DTNB: variants seen among roughly 807,000 people sequenced by gnomAD.
DTNB encodes the protein dystrobrevin beta.
DTNB carries 63 observed loss-of-function variants against 90.7 expected under a neutral mutation model. The ratio of observed to expected loss-of-function variants is 0.69; its 90% confidence interval spans 0.57 to 0.86. The LOEUF (loss-of-function observed/expected upper bound fraction) is 0.86, where lower values mean the gene tolerates loss of function less well. Among genes scored for constraint, DTNB ranks in the 40% least tolerant of loss-of-function variants. DTNB has a pLI of 0.00. For synonymous variants in DTNB, 277 were observed against 286.7 expected (o/e 0.97, Z 0.34); for missense variants, 744 against 807.1 (o/e 0.92, Z 0.95).
At chr2:25,584,191 C>T (rs2062001318) in intron 6 of DTNB, among the ~76,000 whole-genome samples, 1 of 152,150 alleles carries the variant, frequency 6.6e-6, no homozygotes, top group Non-Finnish European at 1.5e-5. Flanking sequence ...TGGTCTTTTT[C>T]AATCTAATTC....
intron 9 of DTNB, among the ~76,000 whole-genome samples, chr2:25,488,013 T>C (rs752477491): frequency 3.3e-5 from 5 of 152,182 alleles, no homozygotes; most frequent in Admixed American, 2.6e-4. Context: ...AAAGCGTGCA[T>C]GGGAATCCTC....
chr2:25,672,449 GA>G (rs1225952195), intron 1 of DTNB, among the ~76,000 whole-genome samples: 3 of 152,070 alleles, frequency 2.0e-5, no homozygotes, highest in Admixed American at 6.6e-5. Context: ...GGGAAGGAAG[GA>G]AACTTCCTTT....
chr2:25,413,075 GATT>G (rs1315338666), intron 16 of DTNB, among the ~76,000 whole-genome samples: 4 of 152,044 alleles, frequency 2.6e-5, no homozygotes, highest in East Asian at 1.9e-4. Flanking sequence ...GCATTTTATA[GATT>G]ATTATCTTTA....
intron 9 of DTNB, among the ~76,000 whole-genome samples, chr2:25,506,097 A>G (rs1575187553): frequency 6.6e-6 from 1 of 152,158 alleles, no homozygotes; most frequent in Admixed American, 6.5e-5. Context: ...GATCCCATAC[A>G]GGTAGAGAGT....
intron 8 of DTNB, among the ~76,000 whole-genome samples, chr2:25,569,681 T>A (rs1169773733): frequency 1.3e-5 from 2 of 152,168 alleles, no homozygotes; most frequent in Non-Finnish European, 1.5e-5. Context: ...GTCCACAGTT[T>A]CCCCACAATT....
Position 25,652,628 on chromosome 2 carries a change from G to T in DTNB, c.33C>A (p.Thr11=). Residue 11 remains threonine (T), a synonymous_variant, in exon 2 of 21, where the codon ACC becomes ACA. Transcript: ENST00000406818. The stretch of plus-strand genomic sequence containing the variant: ...TGAACAGCTGCCTCTTCTCTGCCAT[G>T]GTCTTCCGCTTGTTCCCACTTTCCT... MIEESGNKRK[T]MAEKRQLFIE... is the part of the protein sequence containing the mutation. 1.2e-6 allele frequency: 2 copies of T among 1,612,254 alleles called. No individual in the cohort carries two copies. The highest frequency in any genetic ancestry group is 1.3e-5 in the African/African-American group (1 of 74,620).
intron 16 of DTNB, among the ~76,000 whole-genome samples, chr2:25,401,345 C>A (rs1450108518): frequency 1.3e-5 from 2 of 152,170 alleles, no homozygotes; most frequent in African/African-American, 4.8e-5. Flanking sequence ...TGTATAAAAA[C>A]AATCTCTTGT....
At chr2:25,483,543 C>T (rs531084390) in intron 9 of DTNB, among the ~76,000 whole-genome samples, 1 of 152,168 alleles carries the variant, frequency 6.6e-6, no homozygotes, top group East Asian at 1.9e-4. Context: ...TCTTTGATAA[C>T]CCCTAATCCA....
At chr2:25,622,201 C>T (rs1046692578) in intron 4 of DTNB, among the ~76,000 whole-genome samples, 10 of 152,118 alleles carry the variant, frequency 6.6e-5, no homozygotes, top group Admixed American at 5.9e-4. Flanking sequence ...GCAATCTGGC[C>T]GGGTGCAGTG....
chr2:25,463,246 C>T (rs1173160217), intron 10 of DTNB, among the ~76,000 whole-genome samples: 2 of 152,168 alleles, frequency 1.3e-5, no homozygotes, highest in African/African-American at 2.4e-5. Flanking sequence ...ATCACTATAC[C>T]CAGCCATCAG....
chr2:25,481,313 G>C (rs565038727), intron 10 of DTNB, among the ~76,000 whole-genome samples: 50 of 151,834 alleles, frequency 3.3e-4, no homozygotes, highest in African/African-American at 1.1e-3. Context: ...GCTGAGGCAG[G>C]AGAATCGCTT....
At chr2:25,385,805 C>A (rs2039314183) in intron 18 of DTNB, among the ~76,000 whole-genome samples, 1 of 152,190 alleles carries the variant, frequency 6.6e-6, no homozygotes, top group South Asian at 2.1e-4. Flanking sequence ...TTTTGTGAAG[C>A]TATTTGGTCT....
At chr2:25,511,461 AG>A (rs1434953514) in intron 9 of DTNB, among the ~76,000 whole-genome samples, 8 of 152,054 alleles carry the variant, frequency 5.3e-5, no homozygotes, top group Non-Finnish European at 1.0e-4. Context: ...CCTCCCAAGT[AG>A]CTGGGATTAC....
At chr2:25,449,047 C>T (rs149872344) in intron 12 of DTNB, among the ~76,000 whole-genome samples, 3 of 152,008 alleles carry the variant, frequency 2.0e-5, no homozygotes, top group Non-Finnish European at 4.4e-5. Flanking sequence ...TAACTTATGG[C>T]AAAGGATAAG....
intron 15 of DTNB, among the ~76,000 whole-genome samples, chr2:25,425,737 T>TCA (rs1458647750): frequency 5.9e-5 from 9 of 152,370 alleles, no homozygotes; most frequent in African/African-American, 2.2e-4. Context: ...CAGGGAGTTC[T>TCA]CAGCATCGCT....
chr2:25,424,480 A>G lies in DTNB; in HGVS notation c.1554+3055T>C, dbSNP rs895548469. On this transcript the variant is annotated intron_variant, in intron 15 of 20. Transcript: ENST00000406818. This position sits in a 1 kb window ranked among gnomAD's most constrained non-coding sequence, Gnocchi z 4.1. ...TTCTGGGGATCACTAAGACAATCCA[A>G]CTGAAAGGCAATGGTACAAGGTTAC... 6.6e-6 allele frequency among the ~76,000 whole-genome samples: 1 copy of G among 152,176 alleles called. No individual in the cohort carries two copies. Among genetic ancestry groups the G allele is most frequent in the Non-Finnish European group, 1.5e-5 (1 of 68,032 alleles).
intron 4 of DTNB, among the ~76,000 whole-genome samples, chr2:25,617,213 A>G (rs1188612310): frequency 1.3e-5 from 2 of 152,198 alleles, no homozygotes; most frequent in East Asian, 3.9e-4. Context: ...CAAAGTGTCA[A>G]TCTGTAACTC....
chr2:25,604,205 A>ACC (rs1195961733), intron 5 of DTNB, among the ~76,000 whole-genome samples: 7 of 151,572 alleles, frequency 4.6e-5, no homozygotes, highest in Admixed American at 6.6e-5. Flanking sequence ...CACCACCACC[A>ACC]ACAACAACAA....
chr2:25,397,760 A>G (rs1206393008), intron 16 of DTNB, among the ~76,000 whole-genome samples: 1 of 151,828 alleles, frequency 6.6e-6, no homozygotes, highest in Non-Finnish European at 1.5e-5. Flanking sequence ...CATGCCTATA[A>G]TCCCAGCTAC....
Sources: allele counts gnomAD v4.1 joint callset (sites outside exome capture counted in the v4.1 genomes callset), GRCh38; gene constraint gnomAD v4.1.1; non-coding constraint Gnocchi (gnomAD v3.1); transcripts MANE v1.5; gene names NCBI Gene and HGNC (gene_info 2026-07-23, HGNC 2026-07-21).